The following CFAP77 variants were observed in gnomAD, a reference collection of about 807,000 sequenced individuals.
CFAP77 encodes cilia and flagella associated protein 77.
Under a neutral mutation model 31.1 loss-of-function variants are expected in CFAP77, and 25 were observed. The ratio of observed to expected loss-of-function variants is 0.80; its 90% CI spans 0.59 to 1.12. The LOEUF (loss-of-function observed/expected upper bound fraction) is 1.12, where lower values mean the gene tolerates loss of function less well. Ranked by LOEUF, CFAP77 falls within the 50% of genes most tolerant of loss-of-function variation. CFAP77 has a pLI of 0.00. For synonymous variants in CFAP77, 151 were observed against 159.9 expected (o/e 0.94, Z 0.42); for missense variants, 377 against 397.3 (o/e 0.95, Z 0.44).
intron 3 of CFAP77, among the ~76,000 whole-genome samples, chr9:132,535,199 GT>G (rs948924317): frequency 2.0e-4 from 31 of 151,980 alleles, no homozygotes; most frequent in Non-Finnish European, 2.8e-4. Context: ...AATTACACAG[GT>G]TTTTTTCTAC....
intron 1 of CFAP77, among the ~76,000 whole-genome samples, chr9:132,461,741 T>G (rs1851053891): frequency 6.6e-6 from 1 of 152,192 alleles, no homozygotes; most frequent in South Asian, 2.1e-4. Flanking sequence ...CCAATGGCCA[T>G]AACAAGGCAA....
intron 4 of CFAP77, among the ~76,000 whole-genome samples, chr9:132,540,290 C>T (rs1852618626): frequency 2.0e-5 from 3 of 152,052 alleles, no homozygotes; most frequent in Admixed American, 6.6e-5. Context: ...GTAAACCGAC[C>T]CCATCTTCCA....
intron 1 of CFAP77, among the ~76,000 whole-genome samples, chr9:132,431,747 A>G (rs1460382045): frequency 5.9e-5 from 9 of 152,208 alleles, no homozygotes; most frequent in African/African-American, 1.9e-4. Context: ...AAGGTCTAAC[A>G]TGTTTTCCTG....
In CFAP77 at chr9:132,499,759, C is replaced by T. The variant is rs72767807; in HGVS notation, c.524+159C>T. On this transcript the variant is annotated intron_variant, in intron 3 of 5. Transcript: ENST00000393216. The surrounding 1 kb of genome is among the most constrained non-coding windows in gnomAD (Gnocchi z 5.4). ...CTTGTGTGACCTCTATAGCCACACC[C>T]TGAATCCTGCTGAGCTGGGTCCTGG... Among the ~76,000 whole-genome samples the T allele has an allele frequency of 0.019, 2,893 of 152,322 alleles. 31 individuals are homozygous for T. Among genetic ancestry groups the T allele is most frequent in the Non-Finnish European group, 0.03 (2,061 of 68,018 alleles).
At chr9:132,459,809 ATGTG>A (rs1322399583) in intron 1 of CFAP77, among the ~76,000 whole-genome samples, 15 of 146,576 alleles carry the variant, frequency 1.0e-4, no homozygotes, top group African/African-American at 3.3e-4. Context: ...CGATGTGTGT[ATGTG>A]TGTGTATGAG....
chr9:132,522,072 A>AT (rs1435041097), intron 3 of CFAP77, among the ~76,000 whole-genome samples: 6 of 151,990 alleles, frequency 3.9e-5, no homozygotes, highest in Non-Finnish European at 8.8e-5. Flanking sequence ...CCAGACTTGC[A>AT]TTTTTTTAAA....
At chr9:132,450,179 C>G (rs571208591) in intron 1 of CFAP77, among the ~76,000 whole-genome samples, 33 of 151,620 alleles carry the variant, frequency 2.2e-4, no homozygotes, top group African/African-American at 7.7e-4. Context: ...ATCTGCCCGC[C>G]TCGCCCTCCC....
intron 3 of CFAP77, among the ~76,000 whole-genome samples, chr9:132,510,502 T>C (rs146470073): frequency 3.3e-5 from 5 of 152,332 alleles, no homozygotes; most frequent in Non-Finnish European, 7.3e-5. Flanking sequence ...AGCCGGCACC[T>C]CCCTGGCACT....
At chr9:132,562,902 G>A (rs532765669) in intron 5 of CFAP77, among the ~76,000 whole-genome samples, 15 of 152,122 alleles carry the variant, frequency 9.9e-5, no homozygotes, top group East Asian at 3.9e-4. Flanking sequence ...GTTTCATCAT[G>A]TTGGTCAGGA....
At chr9:132,452,942 C>T (rs1239386284) in intron 1 of CFAP77, among the ~76,000 whole-genome samples, 2 of 152,190 alleles carry the variant, frequency 1.3e-5, no homozygotes, top group African/African-American at 2.4e-5. Context: ...CTCTTAGTGG[C>T]GCTGCCATTA....
At chr9:132,492,367 T>C (rs1851666410) in intron 1 of CFAP77, among the ~76,000 whole-genome samples, 1 of 151,770 alleles carries the variant, frequency 6.6e-6, no homozygotes, top group African/African-American at 2.4e-5. Context: ...CTCCTGTGTA[T>C]AAGGCTCTGT....
chr9:132,519,555 A>ATGGATGG (rs1852220869), intron 3 of CFAP77, among the ~76,000 whole-genome samples: 1 of 17,882 alleles, frequency 5.6e-5, no homozygotes, highest in South Asian at 2.4e-3. Context: ...TAGATGGATG[A>ATGGATGG]ATGGATGGAT....
intron 1 of CFAP77, among the ~76,000 whole-genome samples, chr9:132,448,247 A>T (rs917199378): frequency 5.3e-5 from 8 of 152,298 alleles, no homozygotes; most frequent in African/African-American, 1.9e-4. Context: ...CTTTGGTTGC[A>T]TGACCCTGGG....
chr9:132,411,535 G>A (rs1016856186), intron 1 of CFAP77, among the ~76,000 whole-genome samples: 2 of 152,176 alleles, frequency 1.3e-5, no homozygotes, highest in Admixed American at 6.5e-5. Flanking sequence ...GCACCTGGGG[G>A]AGGCTGGCTT....
At chr9:132,535,294 A>G (rs1056299696) in intron 3 of CFAP77, among the ~76,000 whole-genome samples, 1 of 152,248 alleles carries the variant, frequency 6.6e-6, no homozygotes, top group African/African-American at 2.4e-5. Flanking sequence ...ATGTATACAT[A>G]ATAGTTTCAA....
At chr9:132,572,309 G>T in intron 5 of CFAP77, 79 bp from the exon 6 acceptor site, 1 of 1,463,960 alleles carries the variant, frequency 6.8e-7, no homozygotes, top group African/African-American at 1.4e-5. Flanking sequence ...ATTGAAGCAG[G>T]GGGCAGGCGA....
At chr9:132,504,605 A>T (rs967005320) in intron 3 of CFAP77, among the ~76,000 whole-genome samples, 1 of 152,244 alleles carries the variant, frequency 6.6e-6, no homozygotes, top group African/African-American at 2.4e-5. Context: ...CTTTATCTTT[A>T]TCAACAGCAG....
At chr9:132,470,821 C>T (rs557858339) in intron 1 of CFAP77, among the ~76,000 whole-genome samples, 1 of 152,248 alleles carries the variant, frequency 6.6e-6, no homozygotes, top group South Asian at 2.1e-4. Flanking sequence ...CCAGCCTGGC[C>T]AACATGGTGA....
At chr9:132,561,300 C>T (rs1273923941) in intron 5 of CFAP77, among the ~76,000 whole-genome samples, 1 of 152,040 alleles carries the variant, frequency 6.6e-6, no homozygotes, top group Non-Finnish European at 1.5e-5. Flanking sequence ...AATCTAAAAT[C>T]TCTATGCCTG....
Sources: gnomAD v4.1 joint callset for allele counts (sites outside exome capture counted in the v4.1 genomes callset) on GRCh38, gnomAD v4.1.1 for gene constraint, Gnocchi (gnomAD v3.1) non-coding constraint, MANE v1.5 for transcripts, NCBI Gene and HGNC (gene_info 2026-07-23, HGNC 2026-07-21) for gene names.